RAPGEF5: variants seen among roughly 807,000 people sequenced by gnomAD.
The protein encoded by RAPGEF5 is M-Ras-regulated GEF.
A neutral mutation model predicts 125.2 loss-of-function variants in RAPGEF5; 65 were observed. The ratio of observed to expected loss-of-function variants is 0.52; its 90% CI spans 0.43 to 0.64. RAPGEF5 has a LOEUF of 0.64. Ranked by LOEUF, RAPGEF5 falls within the 30% of genes least tolerant of loss-of-function variation. RAPGEF5 has a pLI of 0.00. For synonymous variants in RAPGEF5, 391 were observed against 385.9 expected, an observed-to-expected ratio of 1.01 and a Z score of -0.16; for missense variants, 958 against 1,048.1, an observed-to-expected ratio of 0.91 and a Z score of 1.19.
At chr7:22,181,482 A>G (rs1307019556) in intron 11 of RAPGEF5, among the ~76,000 whole-genome samples, 1 of 152,204 alleles carries the variant, frequency 6.6e-6, no homozygotes, top group Non-Finnish European at 1.5e-5. Context: ...AAGGATTAAA[A>G]TATTTCAAAG....
chr7:22,147,234 G>A (rs1162534678), intron 18 of RAPGEF5, among the ~76,000 whole-genome samples: 4 of 152,212 alleles, frequency 2.6e-5, no homozygotes, highest in Non-Finnish European at 5.9e-5. Flanking sequence ...ACTTCAGTGA[G>A]TTCGCCCGCT....
At chr7:22,330,393 T>C (rs1304579222) in intron 1 of RAPGEF5, among the ~76,000 whole-genome samples, 1 of 152,200 alleles carries the variant, frequency 6.6e-6, no homozygotes, top group Non-Finnish European at 1.5e-5. Context: ...GAAGGAGCCC[T>C]GTGCAAGTGT....
chr7:22,261,629 A>C (rs558734627), intron 7 of RAPGEF5, among the ~76,000 whole-genome samples: 3 of 152,152 alleles, frequency 2.0e-5, no homozygotes, highest in African/African-American at 7.2e-5. Context: ...CTGTCTCAAA[A>C]ATAATAACGA....
intron 17 of RAPGEF5, 106 bp downstream of exon 17, chr7:22,154,349 G>C (rs769239708): frequency 1.5e-5 from 19 of 1,282,930 alleles, no homozygotes; most frequent in South Asian, 3.0e-5. Flanking sequence ...ATCCAGCTGC[G>C]GGCCCAGAAG....
chr7:22,165,973 GC>G (rs1390912346), intron 12 of RAPGEF5, among the ~76,000 whole-genome samples: 3 of 150,352 alleles, frequency 2.0e-5, no homozygotes, highest in Non-Finnish European at 4.4e-5. Context: ...ATGCCATCAT[GC>G]CCAGCTAGTT....
chr7:22,169,310 C>T (rs759890306), intron 11 of RAPGEF5, among the ~76,000 whole-genome samples: 4 of 152,134 alleles, frequency 2.6e-5, no homozygotes, highest in Non-Finnish European at 5.9e-5. Context: ...CCTGGCAGCT[C>T]AAGTTAAACA....
intron 1 of RAPGEF5, among the ~76,000 whole-genome samples, chr7:22,335,572 G>A (rs1784009663): frequency 6.6e-6 from 1 of 151,664 alleles, no homozygotes; most frequent in South Asian, 2.1e-4. Flanking sequence ...GGGTGGGTGG[G>A]GCATCTACTT....
At chr7:22,284,039 T>A (rs1782736554) in intron 6 of RAPGEF5, among the ~76,000 whole-genome samples, 1 of 150,478 alleles carries the variant, frequency 6.6e-6, no homozygotes, top group South Asian at 2.1e-4. Flanking sequence ...GAATTAGAGA[T>A]GATGGCTTAG....
chr7:22,204,075 T>C (rs976387003), intron 9 of RAPGEF5, among the ~76,000 whole-genome samples: 1 of 152,180 alleles, frequency 6.6e-6, no homozygotes, highest in African/African-American at 2.4e-5. Flanking sequence ...GTTTGAATAA[T>C]CCATGGCAGC....
chr7:22,225,184 T>C (rs1785890185), intron 8 of RAPGEF5, among the ~76,000 whole-genome samples: 1 of 152,152 alleles, frequency 6.6e-6, no homozygotes, highest in African/African-American at 2.4e-5. Flanking sequence ...TAAATAAATA[T>C]GTAAATAAAA....
intron 11 of RAPGEF5, among the ~76,000 whole-genome samples, chr7:22,169,883 C>A (rs1346455996): frequency 3.6e-3 from 34 of 9,360 alleles, no homozygotes; most frequent in East Asian, 0.015. Flanking sequence ...AAAAAAAAAG[C>A]TGAATCTTCC....
chr7:22,289,231 G>A (rs1274652731), intron 6 of RAPGEF5, among the ~76,000 whole-genome samples: 1 of 152,002 alleles, frequency 6.6e-6, no homozygotes, highest in Admixed American at 6.5e-5. Flanking sequence ...GTGGCTATAG[G>A]AACCAAATCA....
At chr7:22,215,936 G>T (rs1785627403) in intron 9 of RAPGEF5, among the ~76,000 whole-genome samples, 1 of 152,164 alleles carries the variant, frequency 6.6e-6, no homozygotes. Flanking sequence ...AAGGGAAATG[G>T]CTTACATAGC....
At chr7:22,341,900 T>C (rs1047954369) in intron 1 of RAPGEF5, among the ~76,000 whole-genome samples, 2 of 152,192 alleles carry the variant, frequency 1.3e-5, no homozygotes, top group Non-Finnish European at 2.9e-5. Flanking sequence ...TGTAAGCTGT[T>C]AGCAGATCTA....
chr7:22,357,019 G>C lies in RAPGEF5; in HGVS notation c.42C>G (p.Cys14Trp). Residue 14 changes from cysteine to tryptophan, a missense_variant, in exon 1 of 26, where the codon TGC (cysteine) becomes TGG (tryptophan). Transcript: ENST00000665637. ...AVGSVKMQPP[C>W]ESPALAAAAA... ...CCGCGGCGGCCAGGGCCGGGCTCTC[G>C]CACGGCGGCTGCATCTTGACGGAGC... The C allele has an allele frequency of 9.7e-7, 1 of 1,028,554 alleles. No individual in the cohort carries two copies. The highest frequency in any genetic ancestry group is 1.2e-6 in the Non-Finnish European group (1 of 859,882). The allele number at this position is 1,028,554 out of a possible 1,614,324, so 63.7% of individuals were successfully genotyped here. A position where few individuals can be genotyped will look rare whatever the true frequency, so the allele number is the denominator to read the frequency against.
At chr7:22,179,664 C>T (rs1030187227) in intron 11 of RAPGEF5, among the ~76,000 whole-genome samples, 2 of 152,114 alleles carry the variant, frequency 1.3e-5, no homozygotes, top group African/African-American at 4.8e-5. Flanking sequence ...GATAAAACAA[C>T]ATGTGGTAAA....
rs765191881 is a variant in RAPGEF5, at chr7:22,156,814, C to T, written c.1632G>A (p.Glu544=). 9 of 1,613,926 alleles carry T rather than the reference C, an allele frequency of 5.6e-6. No individual in the cohort carries two copies. Among genetic ancestry groups the T allele is most frequent in the Non-Finnish European group, 7.6e-6 (9 of 1,179,850 alleles). Residue 544 remains glutamate (E), a synonymous_variant, in exon 16 of 26, where the codon GAG becomes GAA. Coordinates refer to ENST00000665637, the MANE Select transcript of RAPGEF5 (RefSeq NM_012294.5). ...LQHRGTVTET[E]EIFCHVYITE... ...CTCACTTCAAACCATACTCACTTTCCTCCGTTTCAGTCACAGTTCCTCTAT... is the reference window on the plus strand; with the variant it reads ...CTCACTTCAAACCATACTCACTTTCTTCCGTTTCAGTCACAGTTCCTCTAT...
At chr7:22,263,916 T>A (rs1412672188) in intron 7 of RAPGEF5, among the ~76,000 whole-genome samples, 2 of 152,122 alleles carry the variant, frequency 1.3e-5, no homozygotes, top group Non-Finnish European at 2.9e-5. Context: ...TCCTGTATTA[T>A]AAAAGTTTTT....
intron 9 of RAPGEF5, among the ~76,000 whole-genome samples, chr7:22,209,314 G>A (rs1583483605): frequency 6.6e-6 from 1 of 152,210 alleles, no homozygotes. Context: ...GCCTTGTGCA[G>A]GCTCAAGATC....
Sources: allele counts gnomAD v4.1 joint callset (sites outside exome capture counted in the v4.1 genomes callset), GRCh38; gene constraint gnomAD v4.1.1; transcripts MANE v1.5; gene names NCBI Gene and HGNC (gene_info 2026-07-23, HGNC 2026-07-21).